NUMA1: variants seen among roughly 807,000 people sequenced by gnomAD.
NUMA1 encodes nuclear mitotic apparatus protein 1, also known as SP-H antigen.
A neutral mutation model predicts 237.1 loss-of-function variants in NUMA1; 62 were observed. The observed-to-expected ratio is 0.26, with a 90% confidence interval of 0.21 to 0.32. NUMA1 has a LOEUF of 0.32. NUMA1 is among the 10% of genes least tolerant of loss of function. The pLI is 1.00. For synonymous variants in NUMA1, 1,028 were observed against 1,066.1 expected (o/e 0.96, Z 0.70); for missense variants, 2,533 against 2,666.5 (o/e 0.95, Z 1.10).
At chr11:72,042,854 C>T (rs1027005380) in intron 2 of NUMA1, among the ~76,000 whole-genome samples, 1 of 152,138 alleles carries the variant, frequency 6.6e-6, no homozygotes, top group Non-Finnish European at 1.5e-5. Flanking sequence ...GGCCTTGGCA[C>T]GACGGCTCAC....
Position 72,014,214 on chromosome 11 carries a change from T to C in NUMA1, c.3289A>G (p.Lys1097Glu). The change falls in exon 15 of 27, where the codon AAA (lysine) becomes GAA (glutamate). Residue 1097 changes from lysine (K) to glutamate (E), a missense_variant. By Grantham distance (56) the Lys-to-Glu change is moderately conservative. Coordinates refer to ENST00000393695, the MANE Select transcript of NUMA1 (RefSeq NM_006185.4). This position sits in a 1 kb window ranked among gnomAD's most constrained non-coding sequence, Gnocchi z 4.6. ...GAGCCAGATGCGTGCTCCTTTTCTT[T>C]CTTAGCCAGCTGTTCCTTCAGTTGC... ...VKQLKEQLAK[K>E]EKEHASGSGA... 1.2e-6 allele frequency: 2 copies of C among 1,614,060 alleles called. No homozygotes were observed. The highest frequency in any genetic ancestry group is 1.7e-6 in the Non-Finnish European group (2 of 1,180,044).
chr11:72,013,925 G>A lies in NUMA1; in HGVS notation c.3578C>T (p.Ala1193Val). 6.2e-7 allele frequency: 1 copy of A among 1,613,942 alleles called. No homozygotes were observed. Among genetic ancestry groups the A allele is most frequent in the Non-Finnish European group, 8.5e-7 (1 of 1,180,032 alleles). Residue 1193 changes from alanine (A) to valine (V), a missense_variant, in exon 15 of 27, where the codon GCT becomes GTT. Physicochemically the swap from Ala to Val is moderately conservative, Grantham distance 64 (BLOSUM62 0). This residue lies in a region of NUMA1 where 1,414 missense variants were observed against 1,508.1 expected (regional missense o/e 0.94). Transcript: ENST00000393695. This position sits in a 1 kb window ranked among gnomAD's most constrained non-coding sequence, Gnocchi z 6.8. ...GTCTTGTACCTTGGTGCGGAAGGCA[G>A]CCAACTCCCGTTGGGCCGAGGCTAA... is the stretch of plus-strand genomic sequence containing the variant. ...SALASAQREL[A>V]AFRTKVQDHS...
Position 72,007,636 on chromosome 11 carries a change from G to C in NUMA1, c.5217-201C>G, listed in dbSNP as rs182510246. On this transcript the variant is annotated intron_variant, in intron 20 of 26. Coordinates refer to ENST00000393695, the MANE Select transcript of NUMA1 (RefSeq NM_006185.4). ...TCCACTCCCCTGGCTTCTCCTAATA[G>C]CTCCTCATAGTGGCAATGCCCAGAC... 85 of 652,932 alleles carry C rather than the reference G, an allele frequency of 1.3e-4. No individual in the cohort carries two copies. In the African/African-American group the frequency reaches 1.5e-3, roughly 11 times the overall value. The allele number at this position is 652,932 out of a possible 1,614,324, so 40.4% of individuals were successfully genotyped here. A position where few individuals can be genotyped will look rare whatever the true frequency, so the allele number is the denominator to read the frequency against.
At chr11:72,005,438 T>C in intron 22 of NUMA1, 69 bp from the exon 23 acceptor site, 3 of 1,476,328 alleles carry the variant, frequency 2.0e-6, no homozygotes, top group Non-Finnish European at 2.8e-6. Context: ...CCCTGGCATC[T>C]TGCCAGCCTT....
intron 2 of NUMA1, chr11:72,065,780 T>C (rs1943171214): frequency 6.6e-6 from 1 of 152,236 alleles, no homozygotes; most frequent in Non-Finnish European, 1.5e-5. Context: ...GCAAGAAGAC[T>C]GTTCATAATG....
intron 12 of NUMA1, 103 bp from the exon 13 acceptor site, chr11:72,017,930 T>A: frequency 8.7e-6 from 12 of 1,376,592 alleles, no homozygotes; most frequent in Non-Finnish European, 1.2e-5. Context: ...CCAATTATCC[T>A]GCCAACCCTC....
chr11:72,051,704 A>C (rs978498403), intron 2 of NUMA1, among the ~76,000 whole-genome samples: 8 of 152,190 alleles, frequency 5.3e-5, no homozygotes, highest in Non-Finnish European at 1.2e-4. Context: ...TCTTGAGCTC[A>C]AGCGATCAGC....
rs774873532 is a variant in NUMA1 at position 72,024,315 on chromosome 11, G to A, written c.167C>T (p.Pro56Leu). ...CACAAAGTCCAGTCTCTCTGACACC[G>A]GCTGCTTCAAGATTTGCTGTCCCTC... ...TEEGQQILKQ[P>L]VSERLDFVCS... The change falls in exon 5 of 27, where the codon CCG (proline) becomes CTG (leucine). Residue 56 changes from proline to leucine, a missense_variant. By Grantham distance (98) the Pro-to-Leu change is moderately conservative. Around this residue, in one of 3 missense-constraint regions of NUMA1, gnomAD observed 1,414 missense variants for 1,508.1 expected, o/e 0.94. Coordinates refer to ENST00000393695, the MANE Select transcript of NUMA1 (RefSeq NM_006185.4). 24 of 1,614,050 alleles carry A rather than the reference G, an allele frequency of 1.5e-5. No homozygotes were observed. The highest frequency in any genetic ancestry group is 1.0e-4 in the Admixed American group (6 of 60,010).
intron 7 of NUMA1, 149 bp downstream of exon 7, chr11:72,022,190 A>G (rs538045082): frequency 3.4e-6 from 2 of 585,232 alleles, no homozygotes; most frequent in East Asian, 2.9e-5. Context: ...ATGCTTTTCA[A>G]CGTTTCCCAG....
chr11:72,005,141 A>G, intron 23 of NUMA1, 92 bp downstream of exon 23: 1 of 1,370,858 alleles, frequency 7.3e-7, no homozygotes. Flanking sequence ...CCAGTCAGTG[A>G]TCCAGGGCCC....
intron 23 of NUMA1, 137 bp downstream of exon 23, chr11:72,005,096 T>A: frequency 9.4e-7 from 1 of 1,060,354 alleles, no homozygotes; most frequent in Non-Finnish European, 1.3e-6. Context: ...CTGTTCCACC[T>A]GGAAACATGA....
At chr11:72,022,303 A>G in intron 7 of NUMA1, 36 bp downstream of exon 7, 1 of 1,424,626 alleles carries the variant, frequency 7.0e-7, no homozygotes, top group Non-Finnish European at 9.9e-7. Context: ...AGCATGGGCT[A>G]GGCCTGCTAG....
In NUMA1 at chr11:72,015,071, G is replaced by T. The variant is rs776038907; in HGVS notation, c.2432C>A (p.Ala811Asp). The T allele has an allele frequency of 1.2e-6, 2 of 1,613,958 alleles. No homozygotes were observed. Among genetic ancestry groups the T allele is most frequent in the Non-Finnish European group, 1.7e-6 (2 of 1,180,040 alleles). The change falls in exon 15 of 27, where the codon GCT (alanine) becomes GAT (aspartate). Residue 811 changes from alanine to aspartate, a missense_variant. By Grantham distance (126) the Ala-to-Asp change is moderately radical. Coordinates refer to ENST00000393695, the MANE Select transcript of NUMA1 (RefSeq NM_006185.4). The surrounding 1 kb of genome is among the most constrained non-coding windows in gnomAD (Gnocchi z 4.0). ...SECEQLVKEV[A>D]AWRERYEDSQ... The stretch of plus-strand genomic sequence containing the variant: ...ATCCTCATACCGCTCACGCCAGGCA[G>T]CTACTTCTTTGACGAGCTGCTCACA...
chr11:72,075,220 T>A (rs559860855), intron 1 of NUMA1, among the ~76,000 whole-genome samples: 2 of 152,160 alleles, frequency 1.3e-5, no homozygotes, highest in African/African-American at 2.4e-5. Flanking sequence ...TACCCTGTTA[T>A]GCTCCGCTTT....
intron 22 of NUMA1, 135 bp from the exon 23 acceptor site, chr11:72,005,504 GC>G: frequency 1.3e-6 from 1 of 771,388 alleles, no homozygotes. Flanking sequence ...ATTCAGTGCC[GC>G]AGGTGCAGGA....
At position 72,016,473 on chromosome 11, in the gene NUMA1, G is replaced by A. The variant is rs1937772102; in HGVS notation, c.1177C>T (p.His393Tyr). 1.2e-6 allele frequency: 2 copies of A among 1,613,958 alleles called. No homozygotes were observed. The highest frequency in any genetic ancestry group is 2.7e-5 in the African/African-American group (2 of 74,904). ...GGGTTATCCTGCAGCTGGGACAAGT[G>A]TTCTTCCAGCTGTGAAAGTTTTCCC... ...LQGKLSQLEE[H>Y]LSQLQDNPPQ... The change falls in exon 14 of 27, where the codon CAC becomes TAC. Residue 393 changes from histidine to tyrosine, a missense_variant. Around this residue, in one of 3 missense-constraint regions of NUMA1, gnomAD observed 1,414 missense variants for 1,508.1 expected, o/e 0.94. Coordinates refer to ENST00000393695, the MANE Select transcript of NUMA1 (RefSeq NM_006185.4).
At chr11:72,008,107 G>A (rs1483400495) in intron 20 of NUMA1, 1 of 479,276 alleles carries the variant, frequency 2.1e-6, no homozygotes, top group Non-Finnish European at 4.2e-6. Flanking sequence ...AGGGTTGTTG[G>A]GGGACAAATC....
chr11:72,024,333 T>A lies in NUMA1; in HGVS notation c.149A>T (p.Gln50Leu). ...TGACACCGGCTGCTTCAAGATTTGC[T>A]GTCCCTCTTCAGTGCCATGGCTAGA... ...IDRIHGTEEG[Q>L]QILKQPVSER... Residue 50 changes from glutamine (Q) to leucine (L), a missense_variant, in exon 5 of 27, where the codon CAG becomes CTG. Gln to Leu is a moderately radical substitution (Grantham distance 113). Around this residue, in one of 3 missense-constraint regions of NUMA1, gnomAD observed 1,414 missense variants for 1,508.1 expected, o/e 0.94. Coordinates refer to ENST00000393695, the MANE Select transcript of NUMA1 (RefSeq NM_006185.4). The A allele has an allele frequency of 1.2e-6, 2 of 1,614,224 alleles. No individual in the cohort carries two copies. Among genetic ancestry groups the A allele is most frequent in the South Asian group, 2.2e-5 (2 of 91,090 alleles).
Position 72,019,513 on chromosome 11 carries a change from A to C in NUMA1, c.565T>G (p.Ser189Ala). 1 of 1,613,582 alleles carries C rather than the reference A, an allele frequency of 6.2e-7. No homozygotes were observed. The highest frequency in any genetic ancestry group is 2.2e-5 in the East Asian group (1 of 44,866). ...IRFLELQKVASSSSGNNFLSG... is the reference protein window; with the variant it reads ...IRFLELQKVAASSSGNNFLSG... ...ACATACTTGTTCCCACTGGAAGAGG[A>C]GGCAACCTTCTGTAGCTCTAGGAAG... is the stretch of plus-strand genomic sequence containing the variant. The change falls in exon 9 of 27, where the codon TCC (serine) becomes GCC (alanine). Residue 189 changes from serine (S) to alanine (A), a missense_variant. Coordinates refer to ENST00000393695, the MANE Select transcript of NUMA1 (RefSeq NM_006185.4).
Sources: gnomAD v4.1 joint callset for allele counts (sites outside exome capture counted in the v4.1 genomes callset) on GRCh38, gnomAD v4.1.1 for gene constraint, gnomAD v4.1.1 regional missense constraint, Gnocchi (gnomAD v3.1) non-coding constraint, MANE v1.5 for transcripts, NCBI Gene and HGNC (gene_info 2026-07-23, HGNC 2026-07-21) for gene names.